ANAPC10: variants seen among roughly 807,000 people sequenced by gnomAD.
ANAPC10 encodes anaphase promoting complex subunit 10, also known as anaphase-promoting complex subunit 10.
Under a neutral mutation model 22.0 loss-of-function variants are expected in ANAPC10, and 12 were observed. The observed-to-expected ratio is 0.55, with a 90% CI of 0.35 to 0.88. The LOEUF is 0.88. Ranked by LOEUF, ANAPC10 falls within the 40% of genes least tolerant of loss-of-function variation. The probability of loss-of-function intolerance (pLI) is 0.01; values close to 1 mark genes in which losing one functional copy is unlikely to be tolerated. For missense variants in ANAPC10, 188 were observed against 220.9 expected (o/e 0.85, Z 0.94); for synonymous variants, 65 against 69.5 (o/e 0.94, Z 0.32).
At chr4:145,014,975 T>C (rs374095890) in intron 4 of ANAPC10, among the ~76,000 whole-genome samples, 1 of 152,036 alleles carries the variant, frequency 6.6e-6, no homozygotes, top group Non-Finnish European at 1.5e-5. Flanking sequence ...ACAGAGGCTA[T>C]GCAAATGAGA....
At chr4:145,036,042 T>C (rs1435606252) in intron 4 of ANAPC10, among the ~76,000 whole-genome samples, 3 of 152,096 alleles carry the variant, frequency 2.0e-5, no homozygotes, top group Admixed American at 2.0e-4. Flanking sequence ...TAACCAACAT[T>C]TTAAAAATTA....
At chr4:145,023,449 G>A (rs1393161249) in intron 4 of ANAPC10, among the ~76,000 whole-genome samples, 1 of 152,050 alleles carries the variant, frequency 6.6e-6, no homozygotes, top group Non-Finnish European at 1.5e-5. Context: ...ATAATCTGTA[G>A]TAATGCAGAA....
intron 4 of ANAPC10, among the ~76,000 whole-genome samples, chr4:145,026,218 AATG>A: frequency 6.6e-6 from 1 of 152,308 alleles, no homozygotes; most frequent in Middle Eastern, 3.4e-3. Context: ...ACCTATACAT[AATG>A]ATGTGTGAAT....
intron 4 of ANAPC10, among the ~76,000 whole-genome samples, chr4:145,029,680 T>C (rs749802756): frequency 1.1e-4 from 16 of 152,042 alleles, no homozygotes; most frequent in Non-Finnish European, 1.9e-4. Context: ...AGCTGAAATA[T>C]GGATTAAAAA....
intron 4 of ANAPC10, among the ~76,000 whole-genome samples, chr4:145,057,000 C>T (rs1742159837): frequency 6.6e-6 from 1 of 152,110 alleles, no homozygotes; most frequent in African/African-American, 2.4e-5. Flanking sequence ...ATAACTGCTG[C>T]AAAAGATCAC....
chr4:145,071,205 G>A (rs571488682), intron 3 of ANAPC10, among the ~76,000 whole-genome samples: 3 of 152,246 alleles, frequency 2.0e-5, no homozygotes, highest in South Asian at 4.1e-4. Context: ...TTGGGATTTC[G>A]AGAATAGCCC....
chr4:145,054,659 G>A (rs534508955), intron 4 of ANAPC10, among the ~76,000 whole-genome samples: 8 of 148,276 alleles, frequency 5.4e-5, no homozygotes, highest in Admixed American at 2.0e-4. Flanking sequence ...GCGCGCGTGC[G>A]TGCAGCGCAT....
chr4:145,094,904 C>T (rs1748261345), intron 2 of ANAPC10, among the ~76,000 whole-genome samples: 1 of 151,676 alleles, frequency 6.6e-6, no homozygotes, highest in South Asian at 2.1e-4. Context: ...GACTGCCACC[C>T]AAGAATTCTA....
At chr4:145,020,431 C>A (rs1007085712) in intron 4 of ANAPC10, among the ~76,000 whole-genome samples, 2 of 152,060 alleles carry the variant, frequency 1.3e-5, no homozygotes, top group African/African-American at 2.4e-5. Context: ...GAACATACCT[C>A]AATGTAATAA....
intron 4 of ANAPC10, among the ~76,000 whole-genome samples, chr4:145,025,085 G>A (rs999397408): frequency 2.6e-4 from 39 of 152,138 alleles, no homozygotes; most frequent in African/African-American, 8.9e-4. Flanking sequence ...CTCTTCTGCA[G>A]CTTCCTCACC....
At chr4:145,019,548 C>A (rs147902102) in intron 4 of ANAPC10, among the ~76,000 whole-genome samples, 1 of 151,872 alleles carries the variant, frequency 6.6e-6, no homozygotes, top group Non-Finnish European at 1.5e-5. Context: ...TAGAGAAACA[C>A]GAACAAACCA....
intron 4 of ANAPC10, among the ~76,000 whole-genome samples, chr4:145,017,974 G>T (rs1446847835): frequency 1.6e-5 from 2 of 121,274 alleles, no homozygotes; most frequent in Non-Finnish European, 3.3e-5. Context: ...GTTGTGGGGT[G>T]GGGGGAGGGG....
At chr4:145,068,334 A>T (rs1170025842) in intron 3 of ANAPC10, among the ~76,000 whole-genome samples, 2 of 152,198 alleles carry the variant, frequency 1.3e-5, no homozygotes, top group Non-Finnish European at 2.9e-5. Flanking sequence ...ACAGAGCCAG[A>T]ATTTAATCCA....
rs181160509 is a variant in ANAPC10 at position 145,075,121 on chromosome 4, T to A, written c.206+6539A>T. Among the ~76,000 whole-genome samples, 3 of 152,198 alleles carry A rather than the reference T, an allele frequency of 2.0e-5. No individual in the cohort carries two copies. In the East Asian group the frequency reaches 5.8e-4, roughly 29 times the overall value. ...AATACAACACACCAGGAGGTCTTCA[T>A]AGATTCTGTGCTTACCTTATTGCAT... On this transcript the variant is annotated intron_variant, in intron 3 of 4. Coordinates refer to ENST00000507656, the MANE Select transcript of ANAPC10 (RefSeq NM_001256706.2).
At position 144,995,231 on chromosome 4, in the gene ANAPC10, T is replaced by C. The variant is rs1270868875; in HGVS notation, c.*142A>G. On this transcript the variant is annotated 3_prime_UTR_variant, in exon 5 of 5. Coordinates refer to ENST00000507656, the MANE Select transcript of ANAPC10 (RefSeq NM_001256706.2). Reference sequence around the variant, plus strand: ...AAAGATAATATGACCCCAAATTTATTTGTCAAAGTTACAATAAAATATTTT... The same window carrying C: ...AAAGATAATATGACCCCAAATTTATCTGTCAAAGTTACAATAAAATATTTT... The C allele has an allele frequency of 2.1e-6, 1 of 482,074 alleles. No individual in the cohort carries two copies. Among genetic ancestry groups the C allele is most frequent in the Non-Finnish European group, 3.5e-6 (1 of 286,072 alleles). The allele number at this position is 482,074 out of a possible 1,614,324, so 29.9% of individuals were successfully genotyped here.
chr4:145,085,320 C>A (rs1409146504), intron 2 of ANAPC10, among the ~76,000 whole-genome samples: 3 of 152,110 alleles, frequency 2.0e-5, no homozygotes, highest in Non-Finnish European at 4.4e-5. Context: ...TAGGTCTTAA[C>A]TCTCTTTTTC....
chr4:145,086,545 G>C (rs976753671), intron 2 of ANAPC10, among the ~76,000 whole-genome samples: 1 of 152,100 alleles, frequency 6.6e-6, no homozygotes, highest in Non-Finnish European at 1.5e-5. Context: ...CCTTTTGAGA[G>C]TTTATGTTGT....
intron 4 of ANAPC10, among the ~76,000 whole-genome samples, chr4:145,050,273 TA>T (rs1457114146): frequency 6.6e-6 from 1 of 152,210 alleles, no homozygotes; most frequent in Non-Finnish European, 1.5e-5. Flanking sequence ...TGTTTTGAAA[TA>T]AATCTTTTTC....
intron 4 of ANAPC10, among the ~76,000 whole-genome samples, chr4:145,051,148 G>A (rs145815971): frequency 7.2e-5 from 11 of 152,164 alleles, no homozygotes; most frequent in African/African-American, 2.2e-4. Context: ...TTAGTTAGAG[G>A]CCTAATTGAA....
Sources: gnomAD v4.1 joint callset for allele counts (sites outside exome capture counted in the v4.1 genomes callset) on GRCh38, gnomAD v4.1.1 for gene constraint, MANE v1.5 for transcripts, NCBI Gene and HGNC (gene_info 2026-07-23, HGNC 2026-07-21) for gene names.